Variants in BABAM2 observed in about 807,000 individuals in gnomAD.
BABAM2 encodes the protein BRISC and BRCA1-A complex member 2.
Under a neutral mutation model 54.7 loss-of-function variants are expected in BABAM2, and 31 were observed. That is an observed-to-expected ratio of 0.57 (90% CI 0.43 to 0.77). BABAM2 has a LOEUF of 0.77. BABAM2 is among the 30% of genes least tolerant of loss of function. The probability of loss-of-function intolerance (pLI) is 0.00; values close to 1 mark genes in which losing one functional copy is unlikely to be tolerated. For missense variants in BABAM2, 364 were observed against 455.8 expected (o/e 0.80, Z 1.83); for synonymous variants, 167 against 162.9 (o/e 1.03, Z -0.19).
intron 7 of BABAM2, among the ~76,000 whole-genome samples, chr2:28,205,573 G>T: frequency 6.6e-6 from 1 of 152,074 alleles, no homozygotes; most frequent in East Asian, 1.9e-4. Flanking sequence ...AGAAAGCACA[G>T]GGAGATTAAC....
chr2:28,079,961 C>T (rs373212522), intron 6 of BABAM2, among the ~76,000 whole-genome samples: 2 of 152,182 alleles, frequency 1.3e-5, no homozygotes, highest in Non-Finnish European at 1.5e-5. Flanking sequence ...AATCTAGGCT[C>T]ATAGTTAACA....
intron 11 of BABAM2, among the ~76,000 whole-genome samples, chr2:28,312,324 T>C (rs967647839): frequency 6.6e-6 from 1 of 152,130 alleles, no homozygotes; most frequent in Admixed American, 6.5e-5. Flanking sequence ...CTTATTAAAG[T>C]AGAGGATTTA....
At chr2:28,333,480 C>T (rs1275919186) in intron 11 of BABAM2, among the ~76,000 whole-genome samples, 1 of 152,228 alleles carries the variant, frequency 6.6e-6, no homozygotes, top group African/African-American at 2.4e-5. Context: ...CAGTTCCCTC[C>T]ACCATGCCAT....
At chr2:27,938,933 G>A (rs1668679133) in intron 3 of BABAM2, among the ~76,000 whole-genome samples, 1 of 151,920 alleles carries the variant, frequency 6.6e-6, no homozygotes, top group Admixed American at 6.6e-5. Flanking sequence ...GAAAACTTGT[G>A]GTGTATGGTT....
intron 3 of BABAM2, among the ~76,000 whole-genome samples, chr2:27,962,807 G>A (rs1401642242): frequency 2.0e-5 from 3 of 152,138 alleles, no homozygotes; most frequent in African/African-American, 7.2e-5. Context: ...ACCATTTGAT[G>A]TCATCTAATT....
intron 11 of BABAM2, among the ~76,000 whole-genome samples, chr2:28,313,823 G>A (rs1469595160): frequency 1.3e-5 from 2 of 152,178 alleles, no homozygotes; most frequent in African/African-American, 4.8e-5. Flanking sequence ...AAAGCCTACT[G>A]ATTGATTTCT....
At chr2:27,909,236 G>T (rs1034147655) in intron 2 of BABAM2, among the ~76,000 whole-genome samples, 1 of 151,824 alleles carries the variant, frequency 6.6e-6, no homozygotes, top group African/African-American at 2.4e-5. Context: ...GTAGAGATAG[G>T]GTCTTGCTAT....
intron 7 of BABAM2, among the ~76,000 whole-genome samples, chr2:28,144,146 A>C (rs1470834851): frequency 2.0e-5 from 3 of 152,176 alleles, no homozygotes. Flanking sequence ...TAGATGAGAG[A>C]ATGTGTTTAA....
At chr2:28,045,992 G>C (rs1677530026) in intron 6 of BABAM2, among the ~76,000 whole-genome samples, 193 bp downstream of exon 6, 1 of 152,186 alleles carries the variant, frequency 6.6e-6, no homozygotes. Flanking sequence ...AAGTCATTTA[G>C]AAGTGAGTTT....
intron 6 of BABAM2, among the ~76,000 whole-genome samples, chr2:28,102,597 C>G (rs930074499): frequency 2.0e-5 from 3 of 152,222 alleles, no homozygotes; most frequent in South Asian, 2.1e-4. Context: ...TATCAGCCAT[C>G]TGACTCATAA....
chr2:28,313,596 C>A (rs749578977), intron 11 of BABAM2, among the ~76,000 whole-genome samples: 2 of 152,156 alleles, frequency 1.3e-5, no homozygotes, highest in African/African-American at 4.8e-5. Context: ...CCTTGACACT[C>A]GGAAGAACAG....
chr2:27,901,831 C>T (rs934231111), intron 2 of BABAM2, among the ~76,000 whole-genome samples: 8 of 152,148 alleles, frequency 5.3e-5, no homozygotes, highest in East Asian at 1.9e-4. Flanking sequence ...TTTTTCCCCA[C>T]GCCTGTCTTC....
intron 6 of BABAM2, among the ~76,000 whole-genome samples, chr2:28,105,612 A>G (rs1174225042): frequency 6.6e-6 from 1 of 152,246 alleles, no homozygotes. Flanking sequence ...AAATAATAAC[A>G]GTATTTATCT....
rs144596262 is a variant in BABAM2 at position 28,100,730 on chromosome 2, G to A, written c.571-28541G>A. Reference sequence around the variant, plus strand: ...TACTTGTTGAGATTTTGTGCCTGCAGAAGCATAACGACTAGAAAGCTCGAT... The same window carrying A: ...TACTTGTTGAGATTTTGTGCCTGCAAAAGCATAACGACTAGAAAGCTCGAT... On this transcript the variant is annotated intron_variant, in intron 6 of 11. Coordinates refer to ENST00000379624, the MANE Select transcript of BABAM2 (RefSeq NM_199191.3). 2.2e-4 allele frequency among the ~76,000 whole-genome samples: 34 copies of A among 152,324 alleles called. 2 individuals are homozygous for A. Among genetic ancestry groups the A allele is most frequent in the African/African-American group, 7.7e-4 (32 of 41,588 alleles).
At chr2:28,280,412 T>G (rs1686253807) in intron 10 of BABAM2, among the ~76,000 whole-genome samples, 1 of 152,104 alleles carries the variant, frequency 6.6e-6, no homozygotes, top group Admixed American at 6.6e-5. Flanking sequence ...TTTAACATGC[T>G]AAAAGTTGCT....
chr2:27,891,892 T>C (rs1304820951), intron 1 of BABAM2, among the ~76,000 whole-genome samples: 1 of 152,130 alleles, frequency 6.6e-6, no homozygotes, highest in Non-Finnish European at 1.5e-5. Flanking sequence ...ATGGTTTGGC[T>C]TCTAGAGCAA....
At chr2:28,085,047 A>T (rs540379929) in intron 6 of BABAM2, among the ~76,000 whole-genome samples, 1 of 152,322 alleles carries the variant, frequency 6.6e-6, no homozygotes, top group East Asian at 1.9e-4. Flanking sequence ...CAATAAAAGG[A>T]AAACATTACC....
At chr2:28,335,685 G>A (rs1691386278) in intron 11 of BABAM2, among the ~76,000 whole-genome samples, 3 of 152,212 alleles carry the variant, frequency 2.0e-5, no homozygotes, top group Admixed American at 2.0e-4. Flanking sequence ...GAAGAAGCAC[G>A]GACAGTGTGC....
chr2:27,914,159 T>C (rs987762511), intron 2 of BABAM2, among the ~76,000 whole-genome samples: 1 of 152,178 alleles, frequency 6.6e-6, no homozygotes, highest in African/African-American at 2.4e-5. Flanking sequence ...GAACCCCTTC[T>C]AATGCTTCTC....
Sources: allele counts gnomAD v4.1 joint callset (sites outside exome capture counted in the v4.1 genomes callset), GRCh38; gene constraint gnomAD v4.1.1; transcripts MANE v1.5; gene names NCBI Gene and HGNC (gene_info 2026-07-23, HGNC 2026-07-21).